Variants in NTM observed in about 807,000 individuals in gnomAD.
NTM encodes the protein neurotrimin, also known as IgLON family member 2.
A neutral mutation model predicts 42.1 loss-of-function variants in NTM; 13 were observed. The observed-to-expected ratio is 0.31, with a 90% CI of 0.20 to 0.49. The LOEUF is 0.49. Ranked by LOEUF, NTM falls within the 20% of genes least tolerant of loss-of-function variation. The probability of loss-of-function intolerance (pLI) is 0.99; values close to 1 mark genes in which losing one functional copy is unlikely to be tolerated. For synonymous variants in NTM, 187 were observed against 179.2 expected, an observed-to-expected ratio of 1.04 and a Z score of -0.35; for missense variants, 373 against 452.8, an observed-to-expected ratio of 0.82 and a Z score of 1.60.
intron 1 of NTM, among the ~76,000 whole-genome samples, chr11:131,643,024 A>C (rs1263485091): frequency 2.7e-5 from 4 of 150,596 alleles, no homozygotes; most frequent in Admixed American, 6.6e-5. Context: ...TTAATATTTT[A>C]CATTCTACAC....
intron 1 of NTM, among the ~76,000 whole-genome samples, chr11:131,449,457 A>G (rs7104131): frequency 0.76 from 115,557 of 152,190 alleles, 44,181 homozygotes; most frequent in East Asian, 0.96. Context: ...GGACTTGCCC[A>G]GGGGTGCACA....
rs377739708 is a variant in NTM, at chr11:131,432,839, C to CTTTTTTTTTTTTTT, written c.82+61970_82+61983dup. 1.1e-3 allele frequency among the ~76,000 whole-genome samples: 74 copies of CTTTTTTTTTTTTTT among 68,702 alleles called. 6 individuals carry two copies. Among genetic ancestry groups the CTTTTTTTTTTTTTT allele is most frequent in the Middle Eastern group, 0.011 (1 of 92 alleles). 45.1% of individuals were successfully genotyped at this position (68,702 alleles called of 152,430 possible). On this transcript the variant is annotated intron_variant, in intron 1 of 8. Coordinates refer to ENST00000683400, the MANE Select transcript of NTM (RefSeq NM_001352005.2). ...CTACAAAAGATGAAGATTTAGCATT[C>CTTTTTTTTTTTTTT]TTTTTTTTTTTTTTTTTTTTTTTTT...
chr11:131,712,761 T>A (rs1254176732), intron 1 of NTM, among the ~76,000 whole-genome samples: 2 of 152,086 alleles, frequency 1.3e-5, no homozygotes, highest in African/African-American at 4.8e-5. Context: ...TTTTTGTATT[T>A]TTTGTAGAGA....
chr11:131,942,304 C>T (rs945579454), intron 2 of NTM, among the ~76,000 whole-genome samples: 1 of 152,186 alleles, frequency 6.6e-6, no homozygotes, highest in Non-Finnish European at 1.5e-5. Flanking sequence ...GAGTGGTTCT[C>T]CTGCATGACT....
rs562078366 is a variant in NTM at position 132,022,206 on chromosome 11, C to T, written c.167+110558C>T. Among the ~76,000 whole-genome samples, 5 of 152,296 alleles carry T rather than the reference C, an allele frequency of 3.3e-5. No individual in the cohort carries two copies. In the South Asian group the frequency reaches 8.3e-4, roughly 25 times the overall value. On this transcript the variant is annotated intron_variant, in intron 2 of 8. Transcript: ENST00000683400. ...ACCACAGAGCCCCACAGTTCTTAAC[C>T]GAAGTTCAGAAGTTTCACAAGAACA... is the stretch of plus-strand genomic sequence containing the variant.
At chr11:132,159,938 C>T (rs1026168312) in intron 3 of NTM, among the ~76,000 whole-genome samples, 2 of 152,232 alleles carry the variant, frequency 1.3e-5, no homozygotes, top group African/African-American at 4.8e-5. Flanking sequence ...CAGGCCTGTT[C>T]TGGGTTTCTA....
At chr11:131,564,792 A>G (rs1245963027) in intron 1 of NTM, among the ~76,000 whole-genome samples, 1 of 152,116 alleles carries the variant, frequency 6.6e-6, no homozygotes, top group Admixed American at 6.6e-5. Context: ...CCTTCTTCAG[A>G]CGTTGCTCCC....
intron 2 of NTM, among the ~76,000 whole-genome samples, chr11:132,123,825 G>A (rs1173148866): frequency 1.3e-5 from 2 of 152,078 alleles, no homozygotes; most frequent in Non-Finnish European, 2.9e-5. Context: ...AGGTTCCTAC[G>A]TGTGCACAGC....
At chr11:131,646,661 A>G (rs2134284136) in intron 1 of NTM, among the ~76,000 whole-genome samples, 1 of 152,274 alleles carries the variant, frequency 6.6e-6, no homozygotes, top group East Asian at 1.9e-4. Flanking sequence ...TTTTTTTTCA[A>G]ATCTTGCAAT....
chr11:132,075,844 A>C (rs192108043), intron 2 of NTM, among the ~76,000 whole-genome samples: 1 of 152,346 alleles, frequency 6.6e-6, no homozygotes, highest in Non-Finnish European at 1.5e-5. Flanking sequence ...AGTACAGTAA[A>C]GGTCTTAATC....
intron 1 of NTM, among the ~76,000 whole-genome samples, chr11:131,681,021 CTGTG>C (rs1390184056): frequency 3.6e-5 from 1 of 27,760 alleles, no homozygotes; most frequent in African/African-American, 1.5e-4. Context: ...GTATGTCTCC[CTGTG>C]TGTGTGAGCG....
At chr11:131,643,102 A>G (rs1156242088) in intron 1 of NTM, among the ~76,000 whole-genome samples, 1 of 152,154 alleles carries the variant, frequency 6.6e-6, no homozygotes, top group Non-Finnish European at 1.5e-5. Flanking sequence ...TTGAGGGGAA[A>G]AGAGAGATCA....
At chr11:132,012,941 A>G (rs1435421494) in intron 2 of NTM, among the ~76,000 whole-genome samples, 2 of 152,162 alleles carry the variant, frequency 1.3e-5, no homozygotes, top group Non-Finnish European at 2.9e-5. Context: ...GTAGAGGGAT[A>G]GAGAGATTTG....
rs987291601 is a variant in NTM at position 131,615,370 on chromosome 11, A to AT, written c.82+244491dup. Among the ~76,000 whole-genome samples, 36 of 149,878 alleles carry AT rather than the reference A, an allele frequency of 2.4e-4. No homozygotes were observed. In the East Asian group the frequency reaches 4.3e-3, roughly 18 times the overall value. On this transcript the variant is annotated intron_variant, in intron 1 of 8. Coordinates refer to ENST00000683400, the MANE Select transcript of NTM (RefSeq NM_001352005.2). ...AGCAAGTTCTCTCTCTCTCTCTCTCATTTTTTTTTATTTAGACGGAGTCTC... is the reference window on the plus strand; with the variant it reads ...AGCAAGTTCTCTCTCTCTCTCTCTCATTTTTTTTTTATTTAGACGGAGTCTC...
chr11:131,851,676 A>G (rs2045574581), intron 1 of NTM, among the ~76,000 whole-genome samples: 1 of 151,972 alleles, frequency 6.6e-6, no homozygotes, highest in Non-Finnish European at 1.5e-5. Flanking sequence ...ATTTTTATAC[A>G]AATGCCATTG....
chr11:132,004,770 G>A (rs2070382042), intron 2 of NTM, among the ~76,000 whole-genome samples: 1 of 152,034 alleles, frequency 6.6e-6, no homozygotes. Flanking sequence ...GTACCTAGGG[G>A]ATTGATTCAG....
chr11:131,823,424 G>C (rs1384177976), intron 1 of NTM, among the ~76,000 whole-genome samples: 1 of 152,084 alleles, frequency 6.6e-6, no homozygotes, highest in African/African-American at 2.4e-5. Context: ...CACAGATTTA[G>C]CTCACCTGGC....
intron 1 of NTM, among the ~76,000 whole-genome samples, chr11:131,377,949 A>C (rs1228159321): frequency 6.6e-6 from 1 of 152,164 alleles, no homozygotes; most frequent in Non-Finnish European, 1.5e-5. Flanking sequence ...CCAATTATAC[A>C]TTGCCCAACT....
chr11:131,732,475 G>T lies in NTM; in HGVS notation c.83-179089G>T, dbSNP rs11222755. Among the ~76,000 whole-genome samples the T allele has an allele frequency of 5.0e-3, 754 of 152,280 alleles. 1 individual carries two copies. The highest frequency in any genetic ancestry group is 7.6e-3 in the Non-Finnish European group (516 of 68,008). On this transcript the variant is annotated intron_variant, in intron 1 of 8. Coordinates refer to ENST00000683400, the MANE Select transcript of NTM (RefSeq NM_001352005.2). Reference sequence around the variant, plus strand: ...CATTGGAGTTGTTTTCTAAAACACAGAATTGGTCATGCCGAATTGGACAAC... The same window carrying T: ...CATTGGAGTTGTTTTCTAAAACACATAATTGGTCATGCCGAATTGGACAAC...
Sources: allele counts gnomAD v4.1 joint callset (sites outside exome capture counted in the v4.1 genomes callset), GRCh38; gene constraint gnomAD v4.1.1; transcripts MANE v1.5; gene names NCBI Gene and HGNC (gene_info 2026-07-23, HGNC 2026-07-21).